The following RBPJ variants were observed in gnomAD, a reference collection of about 807,000 sequenced individuals.
The protein encoded by RBPJ is recombination signal binding protein for immunoglobulin kappa J region, also known as recombining binding protein suppressor of hairless.
Under a neutral mutation model 67.8 loss-of-function variants are expected in RBPJ, and 9 were observed. The ratio of observed to expected loss-of-function variants is 0.13; its 90% CI spans 0.08 to 0.23. RBPJ has a LOEUF of 0.23. Ranked by LOEUF, RBPJ falls within the 10% of genes least tolerant of loss-of-function variation. The pLI is 1.00. For synonymous variants in RBPJ, 198 were observed against 203.3 expected (o/e 0.97, Z 0.22); for missense variants, 305 against 595.6 (o/e 0.51, Z 5.08).
chr4:26,337,068 T>C (rs1724919339), intron 1 of RBPJ, among the ~76,000 whole-genome samples: 1 of 152,026 alleles, frequency 6.6e-6, no homozygotes, highest in Non-Finnish European at 1.5e-5. Context: ...TTCAAGCGAT[T>C]CTCCCGCCTC....
chr4:26,127,846 G>A, the RBPJ span, among the ~76,000 whole-genome samples: 1 of 152,246 alleles, frequency 6.6e-6, no homozygotes, highest in Non-Finnish European at 1.5e-5. Context: ...GCCACCCCAT[G>A]TACTCACTGC....
At chr4:26,196,569 C>T (rs552774811) in intron 1 of RBPJ, among the ~76,000 whole-genome samples, 6 of 152,202 alleles carry the variant, frequency 3.9e-5, no homozygotes, top group East Asian at 1.9e-4. Context: ...TATCTACATT[C>T]GATAGATCTG....
At chr4:26,426,718 C>T (rs983743700) in intron 7 of RBPJ, among the ~76,000 whole-genome samples, 1 of 152,048 alleles carries the variant, frequency 6.6e-6, no homozygotes, top group Admixed American at 6.6e-5. Context: ...TTGAAGAGAG[C>T]CCAGAATGAA....
At chr4:26,305,779 T>TTTTTTTTTTTTTTTTC (rs1722217462) in intron 1 of RBPJ, among the ~76,000 whole-genome samples, 1 of 130,278 alleles carries the variant, frequency 7.7e-6, no homozygotes, top group African/African-American at 3.2e-5. Flanking sequence ...TTCTTTTTTT[T>TTTTTTTTTTTTTTTTC]TTTTTTTTTT....
intron 1 of RBPJ, among the ~76,000 whole-genome samples, chr4:26,181,055 C>T (rs1297363565): frequency 2.0e-5 from 3 of 152,192 alleles, no homozygotes; most frequent in African/African-American, 4.8e-5. Flanking sequence ...CTTCCTTGGT[C>T]TTCTGCCATG....
intron 2 of RBPJ, among the ~76,000 whole-genome samples, chr4:26,388,623 C>G (rs1259510834): frequency 6.6e-6 from 1 of 152,100 alleles, no homozygotes; most frequent in South Asian, 2.1e-4. Context: ...CTCTCTCTCT[C>G]TCTCAAATTA....
chr4:26,391,036 G>A (rs1731445179), intron 2 of RBPJ, among the ~76,000 whole-genome samples: 1 of 152,190 alleles, frequency 6.6e-6, no homozygotes, highest in South Asian at 2.1e-4. Flanking sequence ...CAGCCTAGAT[G>A]ACAGAGCGAG....
chr4:26,293,183 A>G (rs1304000761), intron 1 of RBPJ, among the ~76,000 whole-genome samples: 1 of 150,564 alleles, frequency 6.6e-6, no homozygotes, highest in Non-Finnish European at 1.5e-5. Flanking sequence ...CTCAGGCCCA[A>G]GTAGGCTCTT....
At chr4:26,341,567 T>C (rs930700163) in intron 1 of RBPJ, among the ~76,000 whole-genome samples, 5 of 151,868 alleles carry the variant, frequency 3.3e-5, no homozygotes, top group Non-Finnish European at 7.4e-5. Context: ...TGAGCCGAGA[T>C]TGCACCACTG....
chr4:26,160,993 T>C (rs1716066849), upstream of RBPJ, among the ~76,000 whole-genome samples: 1 of 152,228 alleles, frequency 6.6e-6, no homozygotes, highest in African/African-American at 2.4e-5. Flanking sequence ...GCAAAACATG[T>C]TTCCAGTTAC....
chr4:26,363,595 C>G (rs1465854051), intron 1 of RBPJ, among the ~76,000 whole-genome samples: 1 of 151,990 alleles, frequency 6.6e-6, no homozygotes, highest in African/African-American at 2.4e-5. Flanking sequence ...CCCGCCACCA[C>G]GCCCTGCTCA....
chr4:26,186,343 G>A (rs1250465706), intron 1 of RBPJ, among the ~76,000 whole-genome samples: 3 of 152,116 alleles, frequency 2.0e-5, no homozygotes, highest in African/African-American at 7.2e-5. Flanking sequence ...TTAACTCATA[G>A]GGTTTTTATG....
At chr4:26,244,106 A>C (rs1278485301) in intron 1 of RBPJ, among the ~76,000 whole-genome samples, 1 of 149,884 alleles carries the variant, frequency 6.7e-6, no homozygotes, top group Non-Finnish European at 1.5e-5. Flanking sequence ...TCTCAAAAAA[A>C]AAGAAGAAAA....
At chr4:26,244,714 G>A (rs1294348801) in intron 1 of RBPJ, among the ~76,000 whole-genome samples, 11 of 151,856 alleles carry the variant, frequency 7.2e-5, no homozygotes, top group African/African-American at 2.7e-4. Context: ...TGCAACCTCT[G>A]CCTCCCAGGT....
intron 4 of RBPJ, among the ~76,000 whole-genome samples, chr4:26,417,068 C>G (rs1734666270): frequency 6.6e-6 from 1 of 152,192 alleles, no homozygotes; most frequent in Non-Finnish European, 1.5e-5. Flanking sequence ...CTTGTCTCAT[C>G]TGTTTTCTTG....
At chr4:26,188,951 A>G (rs948343401) in intron 1 of RBPJ, among the ~76,000 whole-genome samples, 4 of 152,270 alleles carry the variant, frequency 2.6e-5, no homozygotes, top group Non-Finnish European at 4.4e-5. Context: ...ATGATACAGT[A>G]TGTTATTAAA....
the RBPJ span, among the ~76,000 whole-genome samples, chr4:26,114,224 C>T: frequency 2.0e-5 from 3 of 151,896 alleles, no homozygotes; most frequent in African/African-American, 2.4e-5. Context: ...TTTGGGAGGC[C>T]GAGGCAGGTG....
chr4:26,262,552 C>G (rs1256937541), intron 1 of RBPJ, among the ~76,000 whole-genome samples: 1 of 152,212 alleles, frequency 6.6e-6, no homozygotes. Context: ...ACTCCCACAT[C>G]TTCTTTGAAG....
chr4:26,141,510 A>G, the RBPJ span, among the ~76,000 whole-genome samples: 37 of 152,138 alleles, frequency 2.4e-4, no homozygotes, highest in African/African-American at 8.0e-4. Flanking sequence ...CACAGCATCT[A>G]TTTTTTTTAA....
Sources: gnomAD v4.1 joint callset for allele counts (sites outside exome capture counted in the v4.1 genomes callset) on GRCh38, gnomAD v4.1.1 for gene constraint, MANE v1.5 for transcripts, NCBI Gene and HGNC (gene_info 2026-07-23, HGNC 2026-07-21) for gene names.